Variants in SMAP1 observed in about 807,000 individuals in gnomAD.
The protein encoded by SMAP1 is small ArfGAP 1, also known as stromal membrane-associated protein 1.
SMAP1 carries 24 observed loss-of-function variants against 58.5 expected under a neutral mutation model. The observed-to-expected ratio is 0.41, with a 90% CI of 0.30 to 0.58. The LOEUF is 0.58. Among genes scored for constraint, SMAP1 ranks in the 20% least tolerant of loss-of-function variants. The pLI is 0.29. For synonymous variants in SMAP1, 216 were observed against 196.6 expected (o/e 1.10, Z -0.82); for missense variants, 563 against 566.3 (o/e 0.99, Z 0.06).
intron 4 of SMAP1, among the ~76,000 whole-genome samples, chr6:70,785,879 A>C (rs898294783): frequency 7.9e-5 from 12 of 152,236 alleles, no homozygotes; most frequent in Middle Eastern, 3.2e-3. Context: ...AGGTACAAGG[A>C]GGAGCTGGTA....
chr6:70,788,926 G>T (rs982260250), intron 4 of SMAP1, among the ~76,000 whole-genome samples: 27 of 152,142 alleles, frequency 1.8e-4, no homozygotes, highest in African/African-American at 5.1e-4. Context: ...GGGGCAAGGA[G>T]ACCAGTTAGG....
chr6:70,860,622 TA>T lies in SMAP1; in HGVS notation c.*292del. The stretch of plus-strand genomic sequence containing the variant: ...CTTGCAAAATCAGTTTTCCTCTCAA[TA>T]AAATTATAGCTCTAATGTTTGCATA... On this transcript the variant is annotated 3_prime_UTR_variant, in exon 11 of 11. Coordinates refer to ENST00000370455, the MANE Select transcript of SMAP1 (RefSeq NM_001044305.3). The T allele has an allele frequency of 2.3e-6, 1 of 431,518 alleles. No individual in the cohort carries two copies. The highest frequency in any genetic ancestry group is 4.1e-6 in the Non-Finnish European group (1 of 246,284). 26.7% of individuals were successfully genotyped at this position (431,518 alleles called of 1,614,324 possible). A position where few individuals can be genotyped will look rare whatever the true frequency, so the allele number is the denominator to read the frequency against.
chr6:70,743,639 T>G (rs1765902781), intron 2 of SMAP1, among the ~76,000 whole-genome samples: 1 of 152,204 alleles, frequency 6.6e-6, no homozygotes, highest in Non-Finnish European at 1.5e-5. Flanking sequence ...TCTTATTTTG[T>G]GGAAGGATTT....
At chr6:70,859,375 T>C in intron 10 of SMAP1, 4 of 1,549,528 alleles carry the variant, frequency 2.6e-6, no homozygotes, top group Non-Finnish European at 3.5e-6. Flanking sequence ...ATCAGTGCAA[T>C]CTACTGGCCA....
At chr6:70,764,919 C>T (rs1009555862) in intron 3 of SMAP1, among the ~76,000 whole-genome samples, 2 of 152,176 alleles carry the variant, frequency 1.3e-5, no homozygotes, top group South Asian at 2.1e-4. Flanking sequence ...TCCACCTCAG[C>T]GTCCTGAGTA....
chr6:70,735,396 G>T (rs777567288), intron 2 of SMAP1, among the ~76,000 whole-genome samples: 1 of 152,118 alleles, frequency 6.6e-6, no homozygotes, highest in South Asian at 2.1e-4. Context: ...TAACTTTGAC[G>T]TTTAATTCAG....
chr6:70,813,693 T>C (rs901630449), intron 6 of SMAP1, among the ~76,000 whole-genome samples: 1 of 151,848 alleles, frequency 6.6e-6, no homozygotes, highest in African/African-American at 2.4e-5. Flanking sequence ...AATATATGCT[T>C]CCTTTGGTAA....
chr6:70,798,785 T>G, intron 6 of SMAP1, 48 bp downstream of exon 6: 3 of 1,347,144 alleles, frequency 2.2e-6, no homozygotes, highest in Non-Finnish European at 3.0e-6. Context: ...CCATTTTATT[T>G]GTATACTTAT....
At chr6:70,708,430 C>T (rs571150026) in intron 1 of SMAP1, among the ~76,000 whole-genome samples, 1 of 152,108 alleles carries the variant, frequency 6.6e-6, no homozygotes, top group Non-Finnish European at 1.5e-5. Context: ...CTGCAATGAA[C>T]ATGGGAGTCC....
At chr6:70,752,742 C>T (rs1489608064) in intron 2 of SMAP1, among the ~76,000 whole-genome samples, 1 of 151,912 alleles carries the variant, frequency 6.6e-6, no homozygotes, top group East Asian at 1.9e-4. Context: ...GCTCCCCTAC[C>T]TCCCACCCTT....
chr6:70,730,405 A>G (rs1765382170), intron 1 of SMAP1, among the ~76,000 whole-genome samples: 1 of 152,226 alleles, frequency 6.6e-6, no homozygotes, highest in Admixed American at 6.5e-5. Flanking sequence ...CTTGCTAAAA[A>G]TAATTAAACC....
intron 6 of SMAP1, among the ~76,000 whole-genome samples, chr6:70,831,273 A>G (rs942414393): frequency 5.3e-5 from 8 of 151,686 alleles, no homozygotes; most frequent in African/African-American, 1.9e-4. Flanking sequence ...CTTTTTTTTT[A>G]ACTTTTATTC....
At chr6:70,723,820 T>C (rs992981685) in intron 1 of SMAP1, among the ~76,000 whole-genome samples, 1 of 152,228 alleles carries the variant, frequency 6.6e-6, no homozygotes, top group African/African-American at 2.4e-5. Context: ...AAAATAGCAA[T>C]TCCGAGGGAA....
Position 70,753,205 on chromosome 6 carries a change from A to G in SMAP1, c.253-1775A>G, listed in dbSNP as rs142352872. 6.4e-3 allele frequency among the ~76,000 whole-genome samples: 968 copies of G among 152,298 alleles called. 13 individuals carry two copies. Among genetic ancestry groups the G allele is most frequent in the African/African-American group, 0.022 (918 of 41,568 alleles). On this transcript the variant is annotated intron_variant, in intron 2 of 10. Coordinates refer to ENST00000370455, the MANE Select transcript of SMAP1 (RefSeq NM_001044305.3). ...CAATTATTAGACACCATCAATTGTG[A>G]GATGTATTCCTATTTCAAAGACGTT... is the stretch of plus-strand genomic sequence containing the variant.
intron 3 of SMAP1, among the ~76,000 whole-genome samples, chr6:70,762,761 C>T (rs1301656857): frequency 3.3e-5 from 5 of 152,046 alleles, no homozygotes; most frequent in African/African-American, 4.8e-5. Flanking sequence ...CCAAACATAC[C>T]AACTTTGGCT....
Position 70,668,018 on chromosome 6 carries a change from G to A in SMAP1, c.-6G>A, listed in dbSNP as rs2128545256. On this transcript the variant is annotated 5_prime_UTR_variant, in exon 1 of 11. Coordinates refer to ENST00000370455, the MANE Select transcript of SMAP1 (RefSeq NM_001044305.3). ...GCTGCCCCAGGCTCCCCGCCCCGCT[G>A]CCGAGATGGCGACGCGCTCCTGTCG... 1 of 1,588,992 alleles carries A rather than the reference G, an allele frequency of 6.3e-7. No homozygotes were observed. Among genetic ancestry groups the A allele is most frequent in the South Asian group, 1.1e-5 (1 of 88,508 alleles).
At chr6:70,707,905 T>C (rs893972126) in intron 1 of SMAP1, among the ~76,000 whole-genome samples, 21 of 152,258 alleles carry the variant, frequency 1.4e-4, no homozygotes, top group Admixed American at 6.5e-4. Context: ...AAATGATTTC[T>C]ACAGTCAAAC....
At chr6:70,807,427 G>A (rs146549931) in intron 6 of SMAP1, among the ~76,000 whole-genome samples, 2 of 152,150 alleles carry the variant, frequency 1.3e-5, no homozygotes, top group African/African-American at 4.8e-5. Flanking sequence ...AGAAAATTGT[G>A]TGTAAATTTC....
intron 8 of SMAP1, chr6:70,856,632 G>A (rs916803594): frequency 3.1e-5 from 11 of 350,310 alleles, no homozygotes; most frequent in Non-Finnish European, 4.1e-5. Flanking sequence ...CTGTGAAAAT[G>A]CTTCAGTCTA....
Sources: gnomAD v4.1 joint callset for allele counts (sites outside exome capture counted in the v4.1 genomes callset) on GRCh38, gnomAD v4.1.1 for gene constraint, MANE v1.5 for transcripts, NCBI Gene and HGNC (gene_info 2026-07-23, HGNC 2026-07-21) for gene names.